Variants in DNAJC15 observed in about 807,000 individuals in gnomAD.
The protein encoded by DNAJC15 is DnaJ heat shock protein family (Hsp40) member C15.
Under a neutral mutation model 22.4 loss-of-function variants are expected in DNAJC15, and 27 were observed. The observed-to-expected ratio is 1.20, with a 90% CI of 0.89 to 1.66. DNAJC15 has a LOEUF of 1.66. Among genes scored for constraint, DNAJC15 ranks in the 40% most tolerant of loss-of-function variants. The pLI, the probability that DNAJC15 is intolerant of heterozygous loss-of-function variation, is 0.00. For synonymous variants in DNAJC15, 79 were observed against 63.2 expected (o/e 1.25, Z -1.19); for missense variants, 208 against 187.1 (o/e 1.11, Z -0.65).
intron 1 of DNAJC15, among the ~76,000 whole-genome samples, chr13:43,055,936 G>A (rs927816981): frequency 2.6e-5 from 4 of 152,054 alleles, no homozygotes; most frequent in African/African-American, 7.2e-5. Flanking sequence ...GGTAGGTTGT[G>A]TCACTAATGT....
intron 5 of DNAJC15, among the ~76,000 whole-genome samples, chr13:43,100,361 C>T (rs751502338): frequency 2.0e-4 from 30 of 151,996 alleles, no homozygotes; most frequent in Middle Eastern, 3.4e-3. Context: ...GCACATGCCA[C>T]CTTGCTCAGC....
intron 4 of DNAJC15, among the ~76,000 whole-genome samples, chr13:43,082,818 A>G (rs182409577): frequency 6.6e-6 from 1 of 152,094 alleles, no homozygotes; most frequent in African/African-American, 2.4e-5. Context: ...TTCTAAAAAA[A>G]TACAATGGTT....
intron 1 of DNAJC15, among the ~76,000 whole-genome samples, chr13:43,054,331 A>G (rs1441602359): frequency 6.6e-6 from 1 of 152,172 alleles, no homozygotes; most frequent in Admixed American, 6.5e-5. Context: ...TTTTGCATCT[A>G]TGTTCATCAG....
rs1327230903 is a variant in DNAJC15 at position 43,112,523 on chromosome 13, A to C, written c.*5275A>C. 1.3e-5 allele frequency: 2 copies of C among 152,258 alleles called. No individual in the cohort carries two copies. The highest frequency in any genetic ancestry group is 2.9e-5 in the Non-Finnish European group (2 of 68,046). The allele number at this position is 152,258 out of a possible 1,614,324, so 9.4% of individuals were successfully genotyped here. A position where few individuals can be genotyped will look rare whatever the true frequency, so the allele number is the denominator to read the frequency against. Reference sequence around the variant, plus strand: ...AAAATCACATAGAGATATTGGTTCAATATGGACATCTAAACTATAATGCTA... The same window carrying C: ...AAAATCACATAGAGATATTGGTTCACTATGGACATCTAAACTATAATGCTA... On this transcript the variant is annotated 3_prime_UTR_variant, in exon 6 of 6. Transcript: ENST00000379221.
chr13:43,088,584 T>G (rs2040700029), intron 5 of DNAJC15, among the ~76,000 whole-genome samples: 1 of 152,216 alleles, frequency 6.6e-6, no homozygotes, highest in Non-Finnish European at 1.5e-5. Context: ...ATTCTCACAC[T>G]TCCTTATTAG....
At chr13:43,056,404 C>G (rs556832502) in intron 1 of DNAJC15, among the ~76,000 whole-genome samples, 26 of 152,310 alleles carry the variant, frequency 1.7e-4, no homozygotes, top group African/African-American at 6.0e-4. Context: ...TCCCAAAGTG[C>G]TGGGGTTACA....
Position 43,023,615 on chromosome 13 carries a change from G to A in DNAJC15, c.-12G>A, listed in dbSNP as rs370074543. 3 of 1,605,182 alleles carry A rather than the reference G, an allele frequency of 1.9e-6. No individual in the cohort carries two copies. The highest frequency in any genetic ancestry group is 2.2e-5 in the South Asian group (2 of 89,736). ...ACTGCCGCGGCGCCTTGAGTCTCCG[G>A]GCCGCCTTGCCATGGCTGCCCGTGG... On this transcript the variant is annotated 5_prime_UTR_variant, in exon 1 of 6. Coordinates refer to ENST00000379221, the MANE Select transcript of DNAJC15 (RefSeq NM_013238.3).
intron 1 of DNAJC15, among the ~76,000 whole-genome samples, chr13:43,038,467 C>T (rs1395081495): frequency 2.0e-5 from 3 of 152,304 alleles, no homozygotes; most frequent in South Asian, 4.1e-4. Context: ...CAAACGATTC[C>T]ATTTTTGTAT....
At chr13:43,073,735 TTC>T (rs2040619463) in intron 3 of DNAJC15, among the ~76,000 whole-genome samples, 2 of 152,190 alleles carry the variant, frequency 1.3e-5, no homozygotes, top group Admixed American at 6.5e-5. Context: ...ATTTCTTGTT[TTC>T]TAGGCCTATT....
chr13:43,101,614 T>C (rs2040769472), intron 5 of DNAJC15, among the ~76,000 whole-genome samples: 1 of 152,198 alleles, frequency 6.6e-6, no homozygotes, highest in Non-Finnish European at 1.5e-5. Context: ...ATCATTCTTA[T>C]GCCCTTGTGT....
At chr13:43,033,454 A>C (rs529930474) in intron 1 of DNAJC15, among the ~76,000 whole-genome samples, 1 of 152,280 alleles carries the variant, frequency 6.6e-6, no homozygotes, top group African/African-American at 2.4e-5. Flanking sequence ...ATTATTATTA[A>C]CCCAAGTCAT....
chr13:43,094,780 T>C (rs1480107970), intron 5 of DNAJC15, among the ~76,000 whole-genome samples: 1 of 152,332 alleles, frequency 6.6e-6, no homozygotes, highest in Non-Finnish European at 1.5e-5. Context: ...CTTGTGAGAC[T>C]GCAAGAAGCC....
intron 5 of DNAJC15, 70 bp downstream of exon 5, chr13:43,085,908 C>CATT (rs60311912): frequency 0.27 from 374,867 of 1,365,342 alleles, 55,196 homozygotes; most frequent in Non-Finnish European, 0.3. Context: ...AGATTAAAGT[C>CATT]ATATATGATA....
At chr13:43,080,444 T>G (rs1481619290) in intron 4 of DNAJC15, among the ~76,000 whole-genome samples, 1 of 152,244 alleles carries the variant, frequency 6.6e-6, no homozygotes, top group Non-Finnish European at 1.5e-5. Flanking sequence ...CACATTTTCT[T>G]TATCCTGTCT....
At chr13:43,089,121 A>G (rs2040702590) in intron 5 of DNAJC15, among the ~76,000 whole-genome samples, 1 of 152,236 alleles carries the variant, frequency 6.6e-6, no homozygotes, top group Admixed American at 6.5e-5. Context: ...ATGGATAAAA[A>G]CAAGGCAAAC....
In DNAJC15 at chr13:43,065,721, A is replaced by G; in HGVS notation, c.144A>G (p.Ala48=). The G allele has an allele frequency of 6.2e-7, 1 of 1,613,312 alleles. No individual in the cohort carries two copies. The highest frequency in any genetic ancestry group is 8.5e-7 in the Non-Finnish European group (1 of 1,179,692). ...TGATAGCTGTAGGACTGGGTGTTGC[A>G]GCTCTTGCATTTGCAGGTAAGATAA... ...RSLIAVGLGV[A]ALAFAGRYAF... The change falls in exon 2 of 6, where the codon GCA becomes GCG. Residue 48 remains alanine, a synonymous_variant. Coordinates refer to ENST00000379221, the MANE Select transcript of DNAJC15 (RefSeq NM_013238.3).
At chr13:43,092,043 T>C (rs1424475535) in intron 5 of DNAJC15, among the ~76,000 whole-genome samples, 1 of 152,208 alleles carries the variant, frequency 6.6e-6, no homozygotes, top group Admixed American at 6.5e-5. Flanking sequence ...TCTTCTGCAT[T>C]CTTACTATTT....
At chr13:43,087,271 T>C (rs559000887) in intron 5 of DNAJC15, among the ~76,000 whole-genome samples, 2 of 152,338 alleles carry the variant, frequency 1.3e-5, no homozygotes, top group South Asian at 2.1e-4. Context: ...TTATAAACAT[T>C]TGGAGTTTCA....
intron 1 of DNAJC15, among the ~76,000 whole-genome samples, chr13:43,044,016 C>T (rs1001034792): frequency 2.0e-5 from 3 of 151,846 alleles, no homozygotes; most frequent in Admixed American, 6.6e-5. Flanking sequence ...TTTATTGTGT[C>T]TGACACTTTT....
Sources: gnomAD v4.1 joint callset for allele counts (sites outside exome capture counted in the v4.1 genomes callset) on GRCh38, gnomAD v4.1.1 for gene constraint, MANE v1.5 for transcripts, NCBI Gene and HGNC (gene_info 2026-07-23, HGNC 2026-07-21) for gene names.